The following COL13A1 variants were observed in gnomAD, a reference collection of about 807,000 sequenced individuals.
The protein encoded by COL13A1 is collagen type XIII alpha 1 chain.
A neutral mutation model predicts 130.9 loss-of-function variants in COL13A1; 89 were observed. The ratio of observed to expected loss-of-function variants is 0.68; its 90% CI spans 0.57 to 0.81. The LOEUF is 0.81. COL13A1 is among the 30% of genes least tolerant of loss of function. COL13A1 has a pLI of 0.00. For missense variants in COL13A1, 879 were observed against 934.6 expected (o/e 0.94, Z 0.78); for synonymous variants, 402 against 341.6 (o/e 1.18, Z -1.95).
intron 32 of COL13A1, 138 bp downstream of exon 32, chr10:69,935,529 C>T (rs1008809302): frequency 5.4e-5 from 34 of 623,858 alleles, no homozygotes; most frequent in Non-Finnish European, 7.9e-5. Flanking sequence ...CCCCTCCCCG[C>T]TCCTTTTCCC....
intron 2 of COL13A1, among the ~76,000 whole-genome samples, chr10:69,853,273 G>A (rs1255147829): frequency 7.4e-5 from 10 of 135,878 alleles, no homozygotes; most frequent in Middle Eastern, 3.7e-3. Context: ...CCCACCCCCC[G>A]TCCCATCCCC....
intron 7 of COL13A1, among the ~76,000 whole-genome samples, chr10:69,882,469 G>A (rs2060234629): frequency 6.6e-6 from 1 of 152,200 alleles, no homozygotes; most frequent in African/African-American, 2.4e-5. Flanking sequence ...AGCACCTTCT[G>A]CTCAGGTAGC....
intron 2 of COL13A1, among the ~76,000 whole-genome samples, chr10:69,837,072 G>C (rs1458846207): frequency 1.2e-4 from 18 of 151,960 alleles, no homozygotes. Flanking sequence ...TCCATGCCAG[G>C]GCTCCGGCTC....
chr10:69,932,140 T>A (rs778666458), intron 30 of COL13A1, among the ~76,000 whole-genome samples: 4 of 152,126 alleles, frequency 2.6e-5, no homozygotes, highest in Non-Finnish European at 5.9e-5. Flanking sequence ...TGTCTAGTGC[T>A]AGCAAGACAG....
intron 14 of COL13A1, among the ~76,000 whole-genome samples, 179 bp from the exon 15 acceptor site, chr10:69,902,569 C>T (rs1411471350): frequency 6.6e-6 from 1 of 152,248 alleles, no homozygotes; most frequent in South Asian, 2.1e-4. Flanking sequence ...CCACCAGCCC[C>T]TGCATGTCAT....
rs535583444 is a variant in COL13A1 at position 69,894,563 on chromosome 10, T to C, written c.615T>C (p.Gly205=). The C allele has an allele frequency of 1.4e-4, 220 of 1,613,830 alleles. 2 individuals carry two copies. In the South Asian group the frequency reaches 2.3e-3, roughly 17 times the overall value. The change falls in exon 11 of 41, where the codon GGT becomes GGC. Residue 205 remains glycine, a synonymous_variant. Transcript: ENST00000645393. ...PGPKGDMGLT[G]PPGQPGPQGQ... ...TTTGCTTCCCACAGGGTCTGACGGG[T>C]CCCCCAGGACAGCCGGTTGGTACCT...
chr10:69,878,152 A>G, intron 6 of COL13A1, 87 bp downstream of exon 6: 1 of 688,778 alleles, frequency 1.5e-6, no homozygotes, highest in Non-Finnish European at 2.7e-6. Flanking sequence ...CCTCCCCCCC[A>G]TGAAAGCCGC....
At chr10:69,942,170 G>C (rs2136100736) in intron 35 of COL13A1, among the ~76,000 whole-genome samples, 1 of 152,300 alleles carries the variant, frequency 6.6e-6, no homozygotes, top group East Asian at 1.9e-4. Flanking sequence ...ATAGACCTCT[G>C]TGAGAGCCCC....
At chr10:69,864,113 A>G (rs1249240018) in intron 2 of COL13A1, among the ~76,000 whole-genome samples, 1 of 152,148 alleles carries the variant, frequency 6.6e-6, no homozygotes, top group Non-Finnish European at 1.5e-5. Context: ...AAATTTTTTA[A>G]CCTTAAGAAT....
intron 2 of COL13A1, among the ~76,000 whole-genome samples, chr10:69,847,327 C>T (rs1016214197): frequency 6.6e-6 from 1 of 152,194 alleles, no homozygotes; most frequent in Admixed American, 6.5e-5. Context: ...GACCGCCATA[C>T]CATTCTGTCT....
intron 2 of COL13A1, among the ~76,000 whole-genome samples, chr10:69,860,945 A>T (rs1325459559): frequency 6.6e-6 from 1 of 152,224 alleles, no homozygotes; most frequent in Non-Finnish European, 1.5e-5. Context: ...ACAGGACTGC[A>T]TCGGGAAGGA....
intron 2 of COL13A1, 95 bp from the exon 3 acceptor site, chr10:69,867,703 C>T (rs892455763): frequency 2.0e-5 from 14 of 701,402 alleles, no homozygotes; most frequent in Admixed American, 6.3e-5. Flanking sequence ...GAAACCCCTC[C>T]GCTGATGAAT....
At chr10:69,903,553 C>T (rs1488284500) in intron 15 of COL13A1, among the ~76,000 whole-genome samples, 1 of 152,224 alleles carries the variant, frequency 6.6e-6, no homozygotes, top group Non-Finnish European at 1.5e-5. Flanking sequence ...GACAGAATAA[C>T]TCAGTGGGTA....
intron 2 of COL13A1, among the ~76,000 whole-genome samples, chr10:69,846,727 G>A (rs751567148): frequency 2.0e-5 from 3 of 152,140 alleles, no homozygotes; most frequent in Admixed American, 6.5e-5. Flanking sequence ...AAACACACAG[G>A]GTGCTTTTTT....
chr10:69,923,558 C>T (rs2064957414), intron 23 of COL13A1, among the ~76,000 whole-genome samples: 1 of 152,148 alleles, frequency 6.6e-6, no homozygotes, highest in Non-Finnish European at 1.5e-5. Context: ...AGAGTGGACA[C>T]CAGTAAAGGG....
In COL13A1 at chr10:69,840,295, C is replaced by T. The variant is rs191616228; in HGVS notation, c.364+17857C>T. ...GGGACAGGGCTGGAGGGACAGACAG[C>T]GGCATCGAAGGAGCCCGGTGACTCG... On this transcript the variant is annotated intron_variant, in intron 2 of 40. Coordinates refer to ENST00000645393, the MANE Select transcript of COL13A1 (RefSeq NM_001368882.1). Among the ~76,000 whole-genome samples, 325 of 152,184 alleles carry T rather than the reference C, an allele frequency of 2.1e-3. 3 individuals carry two copies. Among genetic ancestry groups the T allele is most frequent in the Middle Eastern group, 3.4e-3 (1 of 294 alleles).
Position 69,928,972 on chromosome 10 carries a change from T to C in COL13A1, c.1458T>C (p.Pro486=). The C allele has an allele frequency of 6.2e-7, 1 of 1,613,596 alleles. No individual in the cohort carries two copies. The highest frequency in any genetic ancestry group is 1.1e-5 in the South Asian group (1 of 91,000). Residue 486 remains proline, a synonymous_variant, in exon 28 of 41, where the codon CCT becomes CCC. Transcript: ENST00000645393. ...GTCTTCCTGGGCAAATTGGCCCACC[T>C]GGAGCTCCAGGGATTCCAGGCCAGA... is the stretch of plus-strand genomic sequence containing the variant. ...PPGLPGQIGP[P]GAPGIPGQKG... is the part of the protein sequence containing the mutation.
At chr10:69,845,403 G>A (rs1205480664) in intron 2 of COL13A1, among the ~76,000 whole-genome samples, 1 of 152,070 alleles carries the variant, frequency 6.6e-6, no homozygotes, top group Non-Finnish European at 1.5e-5. Context: ...ATGTTGGCCA[G>A]GCTGGTCTTG....
At chr10:69,814,510 G>T (rs1301593729) in intron 1 of COL13A1, among the ~76,000 whole-genome samples, 1 of 152,152 alleles carries the variant, frequency 6.6e-6, no homozygotes, top group African/African-American at 2.4e-5. Flanking sequence ...TGGCAAAACA[G>T]GTGCTCACCC....
Sources: allele counts gnomAD v4.1 joint callset (sites outside exome capture counted in the v4.1 genomes callset), GRCh38; gene constraint gnomAD v4.1.1; transcripts MANE v1.5; gene names NCBI Gene and HGNC (gene_info 2026-07-23, HGNC 2026-07-21).